The following GALNTL6 variants were observed in gnomAD, a reference collection of about 807,000 sequenced individuals.
GALNTL6 encodes polypeptide N-acetylgalactosaminyltransferase like 6, also known as polypeptide N-acetylgalactosaminyltransferase-like 6.
GALNTL6 carries 46 observed loss-of-function variants against 73.7 expected under a neutral mutation model. The ratio of observed to expected loss-of-function variants is 0.62; its 90% CI spans 0.49 to 0.80. The LOEUF (loss-of-function observed/expected upper bound fraction) is 0.80, where lower values mean the gene tolerates loss of function less well. GALNTL6 is among the 30% of genes least tolerant of loss of function. GALNTL6 has a pLI of 0.00. For synonymous variants in GALNTL6, 259 were observed against 263.7 expected (o/e 0.98, Z 0.17); for missense variants, 604 against 755.0 (o/e 0.80, Z 2.34).
intron 2 of GALNTL6, among the ~76,000 whole-genome samples, chr4:172,218,996 C>T (rs1230424190): frequency 1.3e-5 from 2 of 150,626 alleles, no homozygotes; most frequent in East Asian, 3.9e-4. Flanking sequence ...TTTTTATTTC[C>T]ATTCTATAGA....
chr4:172,074,852 G>A (rs1274086918), intron 2 of GALNTL6, among the ~76,000 whole-genome samples: 2 of 152,202 alleles, frequency 1.3e-5, no homozygotes, highest in East Asian at 3.9e-4. Context: ...TGATTGGGAA[G>A]ATTTGGGAGG....
intron 2 of GALNTL6, among the ~76,000 whole-genome samples, chr4:172,221,610 G>C (rs1438602099): frequency 6.6e-6 from 1 of 151,578 alleles, no homozygotes; most frequent in East Asian, 1.9e-4. Flanking sequence ...AGAATACTTT[G>C]AGAAAAAAAA....
chr4:172,787,781 G>A (rs1251077889), intron 5 of GALNTL6, among the ~76,000 whole-genome samples: 2 of 152,132 alleles, frequency 1.3e-5, no homozygotes, highest in South Asian at 2.1e-4. Flanking sequence ...AGCCAAGCAC[G>A]AAGTTTCAGA....
intron 5 of GALNTL6, among the ~76,000 whole-genome samples, chr4:172,378,729 A>G (rs1743147469): frequency 6.6e-6 from 1 of 152,096 alleles, no homozygotes; most frequent in Non-Finnish European, 1.5e-5. Context: ...ATGTGAAGAA[A>G]TATAGTGTAT....
chr4:172,410,591 G>T (rs1410224454), intron 5 of GALNTL6, among the ~76,000 whole-genome samples: 1 of 151,932 alleles, frequency 6.6e-6, no homozygotes, highest in Non-Finnish European at 1.5e-5. Context: ...CATCCCTTAT[G>T]GTCTGCAAAG....
chr4:173,027,608 T>C (rs1367294749), intron 12 of GALNTL6, among the ~76,000 whole-genome samples: 2 of 152,210 alleles, frequency 1.3e-5, no homozygotes, highest in Non-Finnish European at 2.9e-5. Flanking sequence ...CTCTTAGTGG[T>C]GAAATGTTAA....
chr4:172,913,424 T>G (rs6816492), intron 8 of GALNTL6, among the ~76,000 whole-genome samples: 33,848 of 151,880 alleles, frequency 0.22, 4,545 homozygotes, highest in African/African-American at 0.38. Flanking sequence ...TTCAGAAGGT[T>G]GGTAATAACT....
At chr4:172,004,508 T>C (rs1056420623) in intron 2 of GALNTL6, among the ~76,000 whole-genome samples, 1 of 152,110 alleles carries the variant, frequency 6.6e-6, no homozygotes, top group African/African-American at 2.4e-5. Flanking sequence ...ATTGGATTAA[T>C]TATTTTACCT....
intron 3 of GALNTL6, among the ~76,000 whole-genome samples, chr4:172,257,701 GA>G (rs1174072369): frequency 6.6e-6 from 1 of 151,114 alleles, no homozygotes; most frequent in African/African-American, 2.4e-5. Flanking sequence ...ACAGGGATAT[GA>G]AAAAGTAAAA....
chr4:172,695,681 C>T (rs1330508316), intron 5 of GALNTL6, among the ~76,000 whole-genome samples: 1 of 152,216 alleles, frequency 6.6e-6, no homozygotes, highest in Non-Finnish European at 1.5e-5. Context: ...GGCACTGTGG[C>T]TCACGCCTGT....
At chr4:172,268,103 A>T (rs1387413499) in intron 3 of GALNTL6, among the ~76,000 whole-genome samples, 4 of 152,210 alleles carry the variant, frequency 2.6e-5, no homozygotes, top group Admixed American at 2.6e-4. Context: ...AATGAATTCC[A>T]TGTGAGAAAA....
At chr4:171,965,323 T>C (rs1337812267) in intron 2 of GALNTL6, among the ~76,000 whole-genome samples, 2 of 152,086 alleles carry the variant, frequency 1.3e-5, no homozygotes, top group African/African-American at 4.8e-5. Context: ...ATAAATATAT[T>C]TTATAATCCA....
At chr4:171,908,537 C>G (rs952338798) in intron 2 of GALNTL6, among the ~76,000 whole-genome samples, 2 of 152,104 alleles carry the variant, frequency 1.3e-5, no homozygotes, top group South Asian at 2.1e-4. Flanking sequence ...CACTTTTACA[C>G]TGTTGGTGGG....
At chr4:172,274,549 C>T (rs1277357434) in intron 3 of GALNTL6, among the ~76,000 whole-genome samples, 1 of 152,162 alleles carries the variant, frequency 6.6e-6, no homozygotes, top group Non-Finnish European at 1.5e-5. Context: ...TCTCTCTACT[C>T]ATCCCAGAGC....
intron 10 of GALNTL6, among the ~76,000 whole-genome samples, chr4:172,963,877 C>G (rs771348444): frequency 2.0e-5 from 3 of 152,234 alleles, no homozygotes; most frequent in Admixed American, 2.0e-4. Context: ...TTAAAAGCCT[C>G]TGTTCAGCAA....
chr4:172,190,530 A>T (rs1735545292), intron 2 of GALNTL6, among the ~76,000 whole-genome samples: 1 of 152,180 alleles, frequency 6.6e-6, no homozygotes, highest in Admixed American at 6.5e-5. Context: ...AACCCAGCAG[A>T]GAGAAGAGGA....
intron 2 of GALNTL6, among the ~76,000 whole-genome samples, chr4:171,914,237 G>A (rs1578966975): frequency 6.6e-6 from 1 of 151,962 alleles, no homozygotes; most frequent in Non-Finnish European, 1.5e-5. Context: ...TCCCTTTGGG[G>A]TTTTATACTA....
chr4:172,225,026 CG>C (rs1736804785), intron 2 of GALNTL6, among the ~76,000 whole-genome samples: 2 of 151,892 alleles, frequency 1.3e-5, no homozygotes, highest in Admixed American at 6.6e-5. Flanking sequence ...GGTGAAAAAC[CG>C]GAATAGTGCT....
chr4:171,913,390 T>C (rs1737526995), intron 2 of GALNTL6, among the ~76,000 whole-genome samples: 1 of 152,346 alleles, frequency 6.6e-6, no homozygotes, highest in East Asian at 1.9e-4. Context: ...CTTGTAGATA[T>C]GGCAGTGGGC....
Sources: gnomAD v4.1 joint callset for allele counts (sites outside exome capture counted in the v4.1 genomes callset) on GRCh38, gnomAD v4.1.1 for gene constraint, MANE v1.5 for transcripts, NCBI Gene and HGNC (gene_info 2026-07-23, HGNC 2026-07-21) for gene names.